The following ADGRF5 variants were observed in gnomAD, a reference collection of about 807,000 sequenced individuals.
The protein encoded by ADGRF5 is G-protein coupled receptor 116.
In ADGRF5, 75 loss-of-function variants were observed where a neutral mutation model predicts 132.3. The ratio of observed to expected loss-of-function variants is 0.57; its 90% confidence interval spans 0.47 to 0.69. The LOEUF is 0.69. Among genes scored for constraint, ADGRF5 ranks in the 30% least tolerant of loss-of-function variants. The pLI, the probability that ADGRF5 is intolerant of heterozygous loss-of-function variation, is 0.00. For synonymous variants in ADGRF5, 629 were observed against 597.6 expected, an observed-to-expected ratio of 1.05 and a Z score of -0.77; for missense variants, 1,516 against 1,630.6, an observed-to-expected ratio of 0.93 and a Z score of 1.21.
chr6:46,906,512 A>G (rs1409207924), intron 2 of ADGRF5, 149 bp downstream of exon 2: 2 of 610,456 alleles, frequency 3.3e-6, no homozygotes, highest in Non-Finnish European at 5.8e-6. Context: ...CCTCATTTGC[A>G]ACATTTTTTC....
chr6:46,864,237 C>A (rs1770112809), intron 14 of ADGRF5, among the ~76,000 whole-genome samples: 1 of 152,148 alleles, frequency 6.6e-6, no homozygotes, highest in South Asian at 2.1e-4. Flanking sequence ...GCTAGCATAG[C>A]AATGACTCTG....
chr6:46,936,441 A>G (rs1777832958), intron 1 of ADGRF5, among the ~76,000 whole-genome samples: 1 of 152,218 alleles, frequency 6.6e-6, no homozygotes, highest in African/African-American at 2.4e-5. Flanking sequence ...TGAAAGCATT[A>G]TGAGAAAGGG....
chr6:46,903,241 T>C (rs1046789406), intron 2 of ADGRF5, among the ~76,000 whole-genome samples: 1 of 152,172 alleles, frequency 6.6e-6, no homozygotes, highest in Non-Finnish European at 1.5e-5. Flanking sequence ...GGGCTCCCAG[T>C]GCTCGGCAGT....
chr6:46,915,042 G>A (rs1052844753), intron 1 of ADGRF5, among the ~76,000 whole-genome samples: 1 of 151,696 alleles, frequency 6.6e-6, no homozygotes, highest in African/African-American at 2.4e-5. Context: ...TTTTAGTAGA[G>A]ATGGGGTTTC....
intron 2 of ADGRF5, 146 bp downstream of exon 2, chr6:46,906,515 A>T: frequency 1.6e-6 from 1 of 615,172 alleles, no homozygotes; most frequent in Non-Finnish European, 2.9e-6. Flanking sequence ...CATTTGCAAC[A>T]TTTTTTCTTA....
Position 46,856,902 on chromosome 6 carries a change from A to G in ADGRF5, c.3781T>C (p.Phe1261Leu), listed in dbSNP as rs1422670211. 4 of 1,605,534 alleles carry G rather than the reference A, an allele frequency of 2.5e-6. No individual in the cohort carries two copies. The highest frequency in any genetic ancestry group is 1.7e-5 in the Admixed American group (1 of 59,998). The change falls in exon 18 of 21, where the codon TTC (phenylalanine) becomes CTC (leucine). Residue 1261 changes from phenylalanine to leucine, a missense_variant. Around this residue, in one of 2 missense-constraint regions of ADGRF5, gnomAD observed 571 missense variants for 701.2 expected, o/e 0.81. Transcript: ENST00000283296. ...FAILNVFQGLFILLFGCLWDL... is the reference protein window; with the variant it reads ...FAILNVFQGLLILLFGCLWDL... ...CAGAGGCATCCAAAGAGTAAAATGA[A>G]TAATCCCTGAGAAAAAAAAGATTGA...
chr6:46,880,230 G>A (rs1772297225), intron 8 of ADGRF5, among the ~76,000 whole-genome samples, 191 bp from the exon 9 acceptor site: 1 of 152,148 alleles, frequency 6.6e-6, no homozygotes, highest in African/African-American at 2.4e-5. Context: ...GGTATGTCCT[G>A]CCACATGCCA....
intron 13 of ADGRF5, among the ~76,000 whole-genome samples, chr6:46,866,370 G>A (rs1477055473): frequency 6.6e-6 from 1 of 152,110 alleles, no homozygotes; most frequent in African/African-American, 2.4e-5. Flanking sequence ...TGGGGTGTGA[G>A]TGACCCATTG....
chr6:46,944,514 C>T (rs1320634433), intron 1 of ADGRF5, among the ~76,000 whole-genome samples: 1 of 152,182 alleles, frequency 6.6e-6, no homozygotes, highest in Non-Finnish European at 1.5e-5. Context: ...CCTACACACA[C>T]AGGTTCCAAT....
chr6:46,937,066 GTT>G (rs1157923077), intron 1 of ADGRF5, among the ~76,000 whole-genome samples: 3 of 152,152 alleles, frequency 2.0e-5, no homozygotes, highest in Admixed American at 2.0e-4. Context: ...TGACTTAACT[GTT>G]CTTACCTCTT....
rs565551719 is a variant in ADGRF5 at position 46,881,731 on chromosome 6, C to A, written c.672-134G>T. 9 of 696,672 alleles carry A rather than the reference C, an allele frequency of 1.3e-5. No homozygotes were observed. In the Middle Eastern group the frequency reaches 1.3e-3, roughly 100 times the overall value. 43.2% of individuals were successfully genotyped at this position (696,672 alleles called of 1,614,324 possible). On this transcript the variant is annotated intron_variant, in intron 7 of 20. Transcript: ENST00000283296. ...CATGCAAATCTATGGATCTGACTGG[C>A]CAGCAGGATCTTCTGGAAGAAAGAC... is the stretch of plus-strand genomic sequence containing the variant.
intron 1 of ADGRF5, among the ~76,000 whole-genome samples, chr6:46,954,435 C>CAAA: frequency 1.0e-5 from 1 of 95,768 alleles, no homozygotes; most frequent in Admixed American, 1.1e-4. Context: ...ATGCAGAAGC[C>CAAA]AAAAAAAAAA....
At chr6:46,878,954 A>G (rs1772134937) in intron 9 of ADGRF5, among the ~76,000 whole-genome samples, 2 of 152,164 alleles carry the variant, frequency 1.3e-5, no homozygotes, top group South Asian at 2.1e-4. Context: ...GGGCAAGAGG[A>G]CAGGAGAAAG....
intron 1 of ADGRF5, among the ~76,000 whole-genome samples, chr6:46,943,780 T>C (rs1278814097): frequency 1.3e-5 from 2 of 152,192 alleles, no homozygotes; most frequent in African/African-American, 4.8e-5. Flanking sequence ...CTATACCATA[T>C]TATGCTTCAA....
At chr6:46,897,033 T>C (rs1321677079) in intron 3 of ADGRF5, among the ~76,000 whole-genome samples, 1 of 151,664 alleles carries the variant, frequency 6.6e-6, no homozygotes, top group Non-Finnish European at 1.5e-5. Flanking sequence ...ATCTGAGGGG[T>C]TCCTGGAACC....
intron 3 of ADGRF5, among the ~76,000 whole-genome samples, chr6:46,894,169 T>G (rs1012552545): frequency 6.6e-6 from 1 of 152,228 alleles, no homozygotes; most frequent in Non-Finnish European, 1.5e-5. Flanking sequence ...CCTGTTGGTC[T>G]TAGCAAGTAA....
chr6:46,899,718 G>T (rs1774553056), intron 3 of ADGRF5, among the ~76,000 whole-genome samples: 1 of 151,768 alleles, frequency 6.6e-6, no homozygotes, highest in African/African-American at 2.4e-5. Context: ...CTGGATGGTG[G>T]GCAGAGAAGT....
intron 1 of ADGRF5, among the ~76,000 whole-genome samples, chr6:46,937,729 C>T (rs1026304703): frequency 2.0e-5 from 3 of 152,032 alleles, no homozygotes; most frequent in African/African-American, 4.8e-5. Flanking sequence ...TGCTTTGGGG[C>T]GATTATTAAG....
chr6:46,869,113 A>G, intron 11 of ADGRF5, 21 bp from the exon 12 acceptor site: 1 of 1,607,840 alleles, frequency 6.2e-7, no homozygotes, highest in Non-Finnish European at 8.5e-7. Context: ...GGCAAACAAA[A>G]CAGACAAAAG....
Sources: allele counts gnomAD v4.1 joint callset (sites outside exome capture counted in the v4.1 genomes callset), GRCh38; gene constraint gnomAD v4.1.1; regional missense constraint gnomAD v4.1.1; transcripts MANE v1.5; gene names NCBI Gene and HGNC (gene_info 2026-07-23, HGNC 2026-07-21).